The following TULP4 variants were observed in gnomAD, a reference collection of about 807,000 sequenced individuals.
TULP4 encodes the protein tubby-related protein 4.
TULP4 carries 16 observed loss-of-function variants against 129.0 expected under a neutral mutation model. The ratio of observed to expected loss-of-function variants is 0.12; its 90% confidence interval spans 0.08 to 0.19. TULP4 has a LOEUF of 0.19. Among genes scored for constraint, TULP4 ranks in the 10% least tolerant of loss-of-function variants. The pLI is 1.00. For missense variants in TULP4, 1,842 were observed against 2,059.1 expected (o/e 0.89, Z 2.04); for synonymous variants, 998 against 854.0 (o/e 1.17, Z -2.94).
intron 1 of TULP4, among the ~76,000 whole-genome samples, chr6:158,241,080 G>T (rs1305064887): frequency 7.2e-6 from 1 of 139,340 alleles, no homozygotes; most frequent in African/African-American, 2.5e-5. Flanking sequence ...GGTCTCGGCC[G>T]GGCAGAGGCG....
chr6:158,277,274 G>T (rs1778664495), upstream of TULP4, among the ~76,000 whole-genome samples: 1 of 152,084 alleles, frequency 6.6e-6, no homozygotes, highest in Non-Finnish European at 1.5e-5. Flanking sequence ...TCTGTCTCTT[G>T]GTCTTGAATG....
At chr6:158,487,104 T>C (rs1430724502) in intron 8 of TULP4, among the ~76,000 whole-genome samples, 2 of 122,518 alleles carry the variant, frequency 1.6e-5, no homozygotes, top group African/African-American at 6.5e-5. Flanking sequence ...AAAAATTAGC[T>C]GGGTGTGGTG....
chr6:158,455,996 G>C (rs981064773), intron 5 of TULP4, among the ~76,000 whole-genome samples: 7 of 152,160 alleles, frequency 4.6e-5, no homozygotes, highest in African/African-American at 1.4e-4. Flanking sequence ...AAGGCCACAT[G>C]GTTGAAGTTT....
At chr6:158,339,529 C>T (rs1340891513) in intron 1 of TULP4, among the ~76,000 whole-genome samples, 1 of 152,168 alleles carries the variant, frequency 6.6e-6, no homozygotes, top group African/African-American at 2.4e-5. Context: ...TCTACATCTG[C>T]ATAAGGCAGA....
At chr6:158,284,979 T>A (rs1204062356) in intron 1 of TULP4, among the ~76,000 whole-genome samples, 2 of 152,190 alleles carry the variant, frequency 1.3e-5, no homozygotes. Context: ...TCTTTAATGA[T>A]CACAGATAGT....
chr6:158,474,821 C>G (rs1233657493), intron 6 of TULP4, among the ~76,000 whole-genome samples: 1 of 152,090 alleles, frequency 6.6e-6, no homozygotes, highest in African/African-American at 2.4e-5. Flanking sequence ...TGAATATTTC[C>G]TTTGAGCATC....
At chr6:158,480,503 A>T (rs10499310) in intron 7 of TULP4, among the ~76,000 whole-genome samples, 1 of 152,120 alleles carries the variant, frequency 6.6e-6, no homozygotes. Context: ...GCCACCTTTT[A>T]TACCAGTGGG....
At chr6:158,500,929 G>A (rs1780431085) in intron 12 of TULP4, among the ~76,000 whole-genome samples, 1 of 152,102 alleles carries the variant, frequency 6.6e-6, no homozygotes, top group African/African-American at 2.4e-5. Context: ...GTGTGGTGGC[G>A]CTCACCTGCA....
intron 1 of TULP4, chr6:158,237,398 C>T (rs1777732608): frequency 2.1e-5 from 34 of 1,611,216 alleles, no homozygotes; most frequent in Non-Finnish European, 2.9e-5. Flanking sequence ...GTTGCTGGAG[C>T]CCCTGCAGGT....
At chr6:158,494,371 T>C (rs1273901225) in intron 10 of TULP4, among the ~76,000 whole-genome samples, 2 of 152,240 alleles carry the variant, frequency 1.3e-5, no homozygotes, top group East Asian at 3.8e-4. Context: ...AAAAATTTAA[T>C]TGAATGAGAA....
chr6:158,447,881 C>G (rs781280610), intron 3 of TULP4, among the ~76,000 whole-genome samples: 6 of 152,152 alleles, frequency 3.9e-5, no homozygotes, highest in Non-Finnish European at 5.9e-5. Context: ...GAGATGCTGA[C>G]GGATAGACAG....
chr6:158,337,534 A>G (rs903291306), intron 1 of TULP4, among the ~76,000 whole-genome samples: 5 of 152,220 alleles, frequency 3.3e-5, no homozygotes, highest in Non-Finnish European at 7.3e-5. Context: ...TAGGTCCTCA[A>G]ATACCTTTCT....
intron 1 of TULP4, among the ~76,000 whole-genome samples, chr6:158,253,444 G>A (rs992987360): frequency 2.0e-5 from 3 of 152,202 alleles, no homozygotes; most frequent in African/African-American, 7.2e-5. Context: ...AAGAGATGGA[G>A]AGGGCGGGCA....
At chr6:158,396,780 A>G (rs139805544) in intron 1 of TULP4, among the ~76,000 whole-genome samples, 2 of 152,312 alleles carry the variant, frequency 1.3e-5, no homozygotes, top group African/African-American at 4.8e-5. Flanking sequence ...AAGATATTTC[A>G]TTTAAATAGT....
intron 1 of TULP4, among the ~76,000 whole-genome samples, chr6:158,337,928 A>C (rs1780085479): frequency 6.6e-6 from 1 of 152,184 alleles, no homozygotes; most frequent in Non-Finnish European, 1.5e-5. Flanking sequence ...TAAGAAAATT[A>C]AAGGCTAGAA....
chr6:158,245,563 C>T (rs539068575), intron 1 of TULP4, among the ~76,000 whole-genome samples: 3 of 151,780 alleles, frequency 2.0e-5, no homozygotes, highest in African/African-American at 7.2e-5. Flanking sequence ...GTGTGCATAG[C>T]CTTCTACCCA....
chr6:158,342,341 A>G (rs1483205613), intron 1 of TULP4, among the ~76,000 whole-genome samples: 1 of 152,210 alleles, frequency 6.6e-6, no homozygotes, highest in Non-Finnish European at 1.5e-5. Context: ...CTGCACTTTA[A>G]AAAGTTGAGT....
intron 1 of TULP4, among the ~76,000 whole-genome samples, chr6:158,357,103 C>T (rs748493170): frequency 8.5e-5 from 13 of 152,210 alleles, no homozygotes; most frequent in Non-Finnish European, 1.8e-4. Context: ...AGTGCCCGAG[C>T]GTCCTCCAGA....
chr6:158,502,728 T>C lies in TULP4; in HGVS notation c.3065T>C (p.Val1022Ala). 1 of 1,561,404 alleles carries C rather than the reference T, an allele frequency of 6.4e-7. No homozygotes were observed. The highest frequency in any genetic ancestry group is 8.6e-7 in the Non-Finnish European group (1 of 1,158,210). The change falls in exon 13 of 14, where the codon GTG becomes GCG. Residue 1022 changes from valine to alanine, a missense_variant. Coordinates refer to ENST00000367097, the MANE Select transcript of TULP4 (RefSeq NM_020245.5). Reference protein sequence around the residue: ...LAKSKGGPGGVVTQLPARPPP... With the variant: ...LAKSKGGPGGAVTQLPARPPP... ...AAGTCCAAGGGCGGGCCCGGGGGGGTGGTGACACAGCTCCCAGCGCGGCCC... is the reference window on the plus strand; with the variant it reads ...AAGTCCAAGGGCGGGCCCGGGGGGGCGGTGACACAGCTCCCAGCGCGGCCC...
Sources: gnomAD v4.1 joint callset for allele counts (sites outside exome capture counted in the v4.1 genomes callset) on GRCh38, gnomAD v4.1.1 for gene constraint, MANE v1.5 for transcripts, NCBI Gene and HGNC (gene_info 2026-07-23, HGNC 2026-07-21) for gene names.